The following TBPL1 variants were observed in gnomAD, a reference collection of about 807,000 sequenced individuals.
TBPL1 encodes the protein TATA box-binding protein-like 1.
In TBPL1, 4 loss-of-function variants were observed where a neutral mutation model predicts 22.1. The ratio of observed to expected loss-of-function variants is 0.18; its 90% confidence interval spans 0.09 to 0.41. The LOEUF (loss-of-function observed/expected upper bound fraction) is 0.41, where lower values mean the gene tolerates loss of function less well. Among genes scored for constraint, TBPL1 ranks in the 10% least tolerant of loss-of-function variants. The pLI, the probability that TBPL1 is intolerant of heterozygous loss-of-function variation, is 1.00. For synonymous variants in TBPL1, 64 were observed against 71.0 expected (o/e 0.90, Z 0.50); for missense variants, 115 against 222.3 (o/e 0.52, Z 3.07).
chr6:133,955,258 A>C (rs1200060672), intron 1 of TBPL1, among the ~76,000 whole-genome samples: 3 of 148,438 alleles, frequency 2.0e-5, no homozygotes, highest in African/African-American at 7.5e-5. Context: ...CTGTCTCTTC[A>C]TTGTTTGAGT....
chr6:133,963,787 T>G (rs1257895767), intron 1 of TBPL1, among the ~76,000 whole-genome samples: 2 of 151,636 alleles, frequency 1.3e-5, no homozygotes, highest in East Asian at 4.0e-4. Context: ...TCCCAGCACT[T>G]TGGGAGGCTG....
intron 1 of TBPL1, among the ~76,000 whole-genome samples, chr6:133,955,509 G>A (rs1339112827): frequency 6.6e-6 from 1 of 151,804 alleles, no homozygotes; most frequent in African/African-American, 2.4e-5. Flanking sequence ...TTTTCCTTCT[G>A]TACCCTCCTC....
intron 1 of TBPL1, among the ~76,000 whole-genome samples, chr6:133,958,296 G>A (rs1289081042): frequency 6.6e-6 from 1 of 152,170 alleles, no homozygotes; most frequent in Non-Finnish European, 1.5e-5. Context: ...TTTTTTACTT[G>A]TATAACCTTA....
intron 1 of TBPL1, among the ~76,000 whole-genome samples, chr6:133,971,579 G>GTGTTGT (rs150184171): frequency 1.3e-5 from 2 of 151,054 alleles, no homozygotes; most frequent in Admixed American, 1.3e-4. Context: ...CAATACATAG[G>GTGTTGT]TGTTGTTGTT....
chr6:133,960,436 T>TTA (rs1776001852), intron 1 of TBPL1, among the ~76,000 whole-genome samples: 1 of 150,678 alleles, frequency 6.6e-6, no homozygotes, highest in African/African-American at 2.4e-5. Context: ...TTTTTTTTTT[T>TTA]AATTTTAAGA....
At chr6:133,972,204 TA>T (rs913801156) in intron 1 of TBPL1, among the ~76,000 whole-genome samples, 4 of 152,156 alleles carry the variant, frequency 2.6e-5, no homozygotes, top group African/African-American at 9.7e-5. Context: ...TCTACATCTC[TA>T]AAAAAAGTCT....
intron 1 of TBPL1, among the ~76,000 whole-genome samples, chr6:133,977,971 A>G (rs951207429): frequency 2.0e-5 from 3 of 152,182 alleles, no homozygotes; most frequent in Admixed American, 6.5e-5. Flanking sequence ...ATACATAACC[A>G]TTTTATTTTA....
intron 1 of TBPL1, among the ~76,000 whole-genome samples, chr6:133,976,596 A>G (rs548817902): frequency 1.3e-5 from 2 of 152,308 alleles, no homozygotes; most frequent in East Asian, 3.9e-4. Flanking sequence ...CCTTTGAACT[A>G]CTAATATTTA....
intron 4 of TBPL1, among the ~76,000 whole-genome samples, chr6:133,983,915 C>T (rs1333401193): frequency 1.3e-5 from 2 of 152,188 alleles, no homozygotes; most frequent in Admixed American, 1.3e-4. Flanking sequence ...GCTAATCTCA[C>T]AGAAATGTCA....
At chr6:133,982,931 T>C in intron 4 of TBPL1, 51 bp downstream of exon 4, 2 of 1,512,812 alleles carry the variant, frequency 1.3e-6, no homozygotes, top group South Asian at 2.4e-5. Flanking sequence ...GACTTATTTT[T>C]ATAGAATTAA....
intron 1 of TBPL1, among the ~76,000 whole-genome samples, chr6:133,963,052 A>T (rs1472901584): frequency 6.6e-6 from 1 of 152,216 alleles, no homozygotes; most frequent in African/African-American, 2.4e-5. Flanking sequence ...GTGCCATTGA[A>T]TTCAGCAATG....
chr6:133,980,949 C>CATTA (rs1276941150), intron 2 of TBPL1, among the ~76,000 whole-genome samples: 1 of 148,844 alleles, frequency 6.7e-6, no homozygotes, highest in Non-Finnish European at 1.5e-5. Context: ...TGTAAATTGC[C>CATTA]ATTAATTAAT....
chr6:133,969,251 C>CTTTTTTT (rs536421364), intron 1 of TBPL1, among the ~76,000 whole-genome samples: 1 of 122,608 alleles, frequency 8.2e-6, no homozygotes, highest in Non-Finnish European at 1.7e-5. Context: ...ATAAAATACA[C>CTTTTTTT]TTTTTTTTTT....
At chr6:133,956,964 A>G (rs1236350348) in intron 1 of TBPL1, among the ~76,000 whole-genome samples, 8 of 152,336 alleles carry the variant, frequency 5.3e-5, no homozygotes, top group South Asian at 4.1e-4. Context: ...TAACCAGTCA[A>G]TCTTTTCTTT....
intron 6 of TBPL1, among the ~76,000 whole-genome samples, chr6:133,986,134 G>A (rs1009713673): frequency 2.0e-5 from 3 of 152,152 alleles, no homozygotes; most frequent in Non-Finnish European, 2.9e-5. Context: ...ATAGCAAGGT[G>A]GGGGTAAAGT....
In TBPL1 at chr6:133,966,122, C is replaced by T. The variant is rs561044107; in HGVS notation, c.-45+12697C>T. ...AGTGTGTGTGCATGTGTGTGTGTGTCGTGTGGGTGTGTAAGTAAACATTGC... is the reference window on the plus strand; with the variant it reads ...AGTGTGTGTGCATGTGTGTGTGTGTTGTGTGGGTGTGTAAGTAAACATTGC... On this transcript the variant is annotated intron_variant, in intron 1 of 6. Coordinates refer to ENST00000237264, the MANE Select transcript of TBPL1 (RefSeq NM_004865.4). Among the ~76,000 whole-genome samples, 4 of 151,952 alleles carry T rather than the reference C, an allele frequency of 2.6e-5. No individual in the cohort carries two copies. The South Asian group carries it at 6.2e-4, about 24-fold the overall frequency.
chr6:133,965,101 A>C (rs574246567), intron 1 of TBPL1, among the ~76,000 whole-genome samples: 1 of 152,300 alleles, frequency 6.6e-6, no homozygotes, highest in Admixed American at 6.5e-5. Flanking sequence ...TAGCTACCCT[A>C]GTGAATTAAC....
chr6:133,960,291 C>A (rs1035744972), intron 1 of TBPL1, among the ~76,000 whole-genome samples: 5 of 152,096 alleles, frequency 3.3e-5, no homozygotes, highest in South Asian at 2.1e-4. Context: ...GTTCTTTACT[C>A]TTCTTTTGTA....
chr6:133,984,840 T>C (rs1409424230), intron 6 of TBPL1, 169 bp downstream of exon 6: 2 of 579,696 alleles, frequency 3.5e-6, no homozygotes, highest in African/African-American at 3.7e-5. Context: ...ACTTTTGTAC[T>C]ATTTATAAAT....
Sources: gnomAD v4.1 joint callset for allele counts (sites outside exome capture counted in the v4.1 genomes callset) on GRCh38, gnomAD v4.1.1 for gene constraint, MANE v1.5 for transcripts, NCBI Gene and HGNC (gene_info 2026-07-23, HGNC 2026-07-21) for gene names.